SMTNL2: variants seen among roughly 807,000 people sequenced by gnomAD.
The protein encoded by SMTNL2 is smoothelin-like protein 2.
A neutral mutation model predicts 44.1 loss-of-function variants in SMTNL2; 43 were observed. The ratio of observed to expected loss-of-function variants is 0.98; its 90% CI spans 0.76 to 1.26. The LOEUF is 1.26. Ranked by LOEUF, SMTNL2 falls within the 50% of genes most tolerant of loss-of-function variation. The probability of loss-of-function intolerance (pLI) is 0.00; values close to 1 mark genes in which losing one functional copy is unlikely to be tolerated. For synonymous variants in SMTNL2, 317 were observed against 287.6 expected, an observed-to-expected ratio of 1.10 and a Z score of -1.03; for missense variants, 646 against 670.2, an observed-to-expected ratio of 0.96 and a Z score of 0.40.
intron 1 of SMTNL2, among the ~76,000 whole-genome samples, chr17:4,585,655 G>A (rs1398192079): frequency 6.6e-6 from 1 of 152,272 alleles, no homozygotes; most frequent in Non-Finnish European, 1.5e-5. Context: ...GGATAGGGCG[G>A]AGGCCGACGT....
rs1910317964 is a variant in SMTNL2 at position 4,607,312 on chromosome 17, G to T, written c.1260-49G>T. 6.2e-7 allele frequency: 1 copy of T among 1,608,990 alleles called. No individual in the cohort carries two copies. The highest frequency in any genetic ancestry group is 8.5e-7 in the Non-Finnish European group (1 of 1,176,486). ...ACACCGGCCCTGTCGCGGCTGTGGGGCTGGCTGATGGCTGGGACCACCGTT... is the reference window on the plus strand; with the variant it reads ...ACACCGGCCCTGTCGCGGCTGTGGGTCTGGCTGATGGCTGGGACCACCGTT... On this transcript the variant is annotated intron_variant, in intron 7 of 7. Transcript: ENST00000389313. This position sits in a 1 kb window ranked among gnomAD's most constrained non-coding sequence, Gnocchi z 4.7.
rs1909625475 is a variant in SMTNL2, at chr17:4,592,562, T to G, written c.487+114T>G. ...GCCTGGCATCGGGGGGACTCTATCC[T>G]GAACCCCAGCAGGGAGAGAGGCTGC... is the stretch of plus-strand genomic sequence containing the variant. On this transcript the variant is annotated intron_variant, in intron 2 of 7. Transcript: ENST00000389313. This position sits in a 1 kb window ranked among gnomAD's most constrained non-coding sequence, Gnocchi z 4.5. 6.3e-6 allele frequency: 6 copies of G among 959,420 alleles called. No homozygotes were observed. The highest frequency in any genetic ancestry group is 9.2e-6 in the Non-Finnish European group (6 of 650,390). 59.4% of individuals were successfully genotyped at this position (959,420 alleles called of 1,614,324 possible). A position where few individuals can be genotyped will look rare whatever the true frequency, so the allele number is the denominator to read the frequency against.
rs1052434573 is a variant in SMTNL2 at position 4,597,309 on chromosome 17, T to C, written c.1245T>C (p.Ala415=). 10 of 1,613,928 alleles carry C rather than the reference T, an allele frequency of 6.2e-6. No individual in the cohort carries two copies. The highest frequency in any genetic ancestry group is 1.6e-4 in the Middle Eastern group (1 of 6,078). Residue 415 remains alanine, a synonymous_variant, in exon 7 of 8, where the codon GCT becomes GCC. Transcript: ENST00000389313. ...PTQRQKNFEL[A]FTMAENLANC... is the part of the protein sequence containing the mutation. ...AGAGGCAGAAGAACTTCGAGCTGGC[T>C]TTCACCATGGCCGAGTGAGTATGGT... is the stretch of plus-strand genomic sequence containing the variant.
chr17:4,592,882 G>A lies in SMTNL2; in HGVS notation c.488-47G>A, dbSNP rs779691282. On this transcript the variant is annotated intron_variant, in intron 2 of 7. Coordinates refer to ENST00000389313, the MANE Select transcript of SMTNL2 (RefSeq NM_001114974.2). The surrounding 1 kb of genome is among the most constrained non-coding windows in gnomAD (Gnocchi z 4.5). ...CCCTCCTGGGAGGTCCCAGGCCCCT[G>A]TGGCTGCCACAGCTGACCACCCACC... is the stretch of plus-strand genomic sequence containing the variant. 13 of 1,577,678 alleles carry A rather than the reference G, an allele frequency of 8.2e-6. No individual in the cohort carries two copies. In the South Asian group the frequency reaches 1.0e-4, roughly 13 times the overall value.
intron 1 of SMTNL2, among the ~76,000 whole-genome samples, chr17:4,591,703 A>G (rs1023924456): frequency 3.9e-5 from 6 of 152,224 alleles, no homozygotes; most frequent in Admixed American, 3.3e-4. Context: ...GGCCCAGGTC[A>G]CATGGGTGGG....
chr17:4,589,516 C>T (rs921332258), intron 1 of SMTNL2, among the ~76,000 whole-genome samples: 4 of 152,240 alleles, frequency 2.6e-5, no homozygotes, highest in South Asian at 2.1e-4. Flanking sequence ...GCTTTTCTTG[C>T]GTTTCTGAGA....
intron 1 of SMTNL2, among the ~76,000 whole-genome samples, chr17:4,589,452 G>A (rs62066425): frequency 0.31 from 47,326 of 151,944 alleles, 7,628 homozygotes; most frequent in Middle Eastern, 0.39. Context: ...CTACACGGCC[G>A]CAGCGTGGCT....
chr17:4,597,948 A>G (rs1909882905), intron 7 of SMTNL2, among the ~76,000 whole-genome samples: 1 of 152,146 alleles, frequency 6.6e-6, no homozygotes, highest in Non-Finnish European at 1.5e-5. Context: ...TGGCAAAGTC[A>G]GGTCTGTCTG....
intron 7 of SMTNL2, among the ~76,000 whole-genome samples, chr17:4,603,707 G>T (rs1028401639): frequency 6.6e-6 from 1 of 152,154 alleles, no homozygotes; most frequent in Non-Finnish European, 1.5e-5. Flanking sequence ...ACACACCTGG[G>T]ATCCTCCAAA....
Position 4,607,744 on chromosome 17 carries a change from T to G in SMTNL2, c.*257T>G. On this transcript the variant is annotated 3_prime_UTR_variant, in exon 8 of 8. Coordinates refer to ENST00000389313, the MANE Select transcript of SMTNL2 (RefSeq NM_001114974.2). This position sits in a 1 kb window ranked among gnomAD's most constrained non-coding sequence, Gnocchi z 4.7. ...AAAATTATGAGAGAGAGAGAGACAT[T>G]GGTGCTAAGTAATGATCTTCCTAAA... 1.3e-5 allele frequency: 5 copies of G among 395,022 alleles called. No homozygotes were observed. Among genetic ancestry groups the G allele is most frequent in the East Asian group, 4.4e-5 (1 of 22,738 alleles). The allele number at this position is 395,022 out of a possible 1,614,324, so 24.5% of individuals were successfully genotyped here.
chr17:4,584,517 C>G, upstream of SMTNL2: 1 of 1,199,566 alleles, frequency 8.3e-7, no homozygotes, highest in Middle Eastern at 3.3e-4. Context: ...GCGAAGCCAG[C>G]CACGGACGGC....
chr17:4,592,513 G>T lies in SMTNL2; in HGVS notation c.487+65G>T. The T allele has an allele frequency of 6.7e-7, 1 of 1,490,268 alleles. No individual in the cohort carries two copies. Among genetic ancestry groups the T allele is most frequent in the South Asian group, 1.2e-5 (1 of 81,368 alleles). The allele number at this position is 1,490,268 out of a possible 1,614,324, so 92.3% of individuals were successfully genotyped here. A position where few individuals can be genotyped will look rare whatever the true frequency, so the allele number is the denominator to read the frequency against. The stretch of plus-strand genomic sequence containing the variant: ...GGGGGTTAAGTAAGGCCTTGGTCAG[G>T]TATCTGTGCCAGGCTGGCCCTTGGC... On this transcript the variant is annotated intron_variant, in intron 2 of 7. Transcript: ENST00000389313. The surrounding 1 kb of genome is among the most constrained non-coding windows in gnomAD (Gnocchi z 4.5).
chr17:4,602,769 G>C (rs997683043), intron 7 of SMTNL2, among the ~76,000 whole-genome samples: 2 of 152,214 alleles, frequency 1.3e-5, no homozygotes, highest in African/African-American at 4.8e-5. Flanking sequence ...CTCTCTGCCT[G>C]TGGGAGGCGG....
Position 4,585,015 on chromosome 17 carries a change from G to A in SMTNL2, c.399+11G>A. ...TCCGGCCGCGGCCAGGTGAGCCCGG[G>A]GGAGCGCGTGCGCTGGCGCCAGGGA... On this transcript the variant is annotated intron_variant, in intron 1 of 7. Coordinates refer to ENST00000389313, the MANE Select transcript of SMTNL2 (RefSeq NM_001114974.2). The A allele has an allele frequency of 7.6e-7, 1 of 1,319,092 alleles. No individual in the cohort carries two copies. Among genetic ancestry groups the A allele is most frequent in the Non-Finnish European group, 9.6e-7 (1 of 1,038,618 alleles). The allele number at this position is 1,319,092 out of a possible 1,614,324, so 81.7% of individuals were successfully genotyped here.
chr17:4,602,311 CTTTTTTTTT>C (rs35927212), intron 7 of SMTNL2, among the ~76,000 whole-genome samples: 2 of 43,730 alleles, frequency 4.6e-5, no homozygotes, highest in Admixed American at 7.4e-4. Context: ...AAGGCAGGTG[CTTTTTTTTT>C]TTTTTTTTTT....
chr17:4,584,694 C>T lies in SMTNL2; in HGVS notation c.89C>T (p.Ala30Val). Residue 30 changes from alanine to valine, a missense_variant, in exon 1 of 8, where the codon GCG becomes GTG. Ala to Val is a moderately conservative substitution (Grantham distance 64, BLOSUM62 0). Coordinates refer to ENST00000389313, the MANE Select transcript of SMTNL2 (RefSeq NM_001114974.2). The stretch of plus-strand genomic sequence containing the variant: ...GCGGCGCTGGAGGGTGCGGTGCGCG[C>T]GCTGCACGAGGACATGCGGGGGCTG... ...YEAALEGAVR[A>V]LHEDMRGLQR... is the part of the protein sequence containing the mutation. The T allele has an allele frequency of 7.8e-7, 1 of 1,287,170 alleles. No homozygotes were observed. The highest frequency in any genetic ancestry group is 4.2e-5 in the Admixed American group (1 of 23,852). 79.7% of individuals were successfully genotyped at this position (1,287,170 alleles called of 1,614,324 possible).
At chr17:4,606,991 G>A (rs943214001) in intron 7 of SMTNL2, among the ~76,000 whole-genome samples, 4 of 152,108 alleles carry the variant, frequency 2.6e-5, no homozygotes, top group African/African-American at 9.7e-5. Context: ...AAGACAAGGC[G>A]TGAGGATCAC....
At position 4,595,818 on chromosome 17, in the gene SMTNL2, G is replaced by A. The variant is rs940366027; in HGVS notation, c.989+491G>A. Among the ~76,000 whole-genome samples, 4 of 152,240 alleles carry A rather than the reference G, an allele frequency of 2.6e-5. No homozygotes were observed. Among genetic ancestry groups the A allele is most frequent in the Admixed American group, 1.3e-4 (2 of 15,290 alleles). On this transcript the variant is annotated intron_variant, in intron 5 of 7. Coordinates refer to ENST00000389313, the MANE Select transcript of SMTNL2 (RefSeq NM_001114974.2). The surrounding 1 kb of genome is among the most constrained non-coding windows in gnomAD (Gnocchi z 5.1). ...AGCCTGCTACTAGGTCTCGAGCGAC[G>A]GCTCCTCAGGCTCCAGCCCACCTTT...
Position 4,584,559 on chromosome 17 carries a change from C to A in SMTNL2, c.-47C>A, listed in dbSNP as rs1909260046. On this transcript the variant is annotated 5_prime_UTR_variant, in exon 1 of 8. Coordinates refer to ENST00000389313, the MANE Select transcript of SMTNL2 (RefSeq NM_001114974.2). ...CGGCCCGGAGCTGCGGAGCTCGGAT[C>A]TTCTCCCCCGTCTGGCCCGCTCTCG... The A allele has an allele frequency of 8.2e-7, 1 of 1,216,880 alleles. No homozygotes were observed. 75.4% of individuals were successfully genotyped at this position (1,216,880 alleles called of 1,614,324 possible). A position where few individuals can be genotyped will look rare whatever the true frequency, so the allele number is the denominator to read the frequency against.
Sources: allele counts gnomAD v4.1 joint callset (sites outside exome capture counted in the v4.1 genomes callset), GRCh38; gene constraint gnomAD v4.1.1; non-coding constraint Gnocchi (gnomAD v3.1); transcripts MANE v1.5; gene names NCBI Gene and HGNC (gene_info 2026-07-23, HGNC 2026-07-21).